Variants in ZNF607 observed in about 807,000 individuals in gnomAD.
The protein encoded by ZNF607 is zinc finger protein 607.
ZNF607 carries 5 observed loss-of-function variants against 12.8 expected under a neutral mutation model. The observed-to-expected ratio is 0.39, with a 90% confidence interval of 0.20 to 0.82. The LOEUF (loss-of-function observed/expected upper bound fraction) is 0.82, where lower values mean the gene tolerates loss of function less well. ZNF607 is among the 40% of genes least tolerant of loss of function. ZNF607 has a pLI of 0.39. For missense variants in ZNF607, 851 were observed against 859.2 expected, an observed-to-expected ratio of 0.99 and a Z score of 0.12; for synonymous variants, 287 against 276.2, an observed-to-expected ratio of 1.04 and a Z score of -0.39.
Position 37,698,467 on chromosome 19 carries a change from T to A in ZNF607, c.1664A>T (p.His555Leu). 6.2e-7 allele frequency: 1 copy of A among 1,614,128 alleles called. No individual in the cohort carries two copies. Among genetic ancestry groups the A allele is most frequent in the Non-Finnish European group, 8.5e-7 (1 of 1,180,008 alleles). The change falls in exon 5 of 5, where the codon CAT becomes CTT. Residue 555 changes from histidine (H) to leucine (L), a missense_variant. Coordinates refer to ENST00000355202, the MANE Select transcript of ZNF607 (RefSeq NM_032689.5). ...ISVLKAHQNI[H>L]SAEKPYECKE... ...ACATTCGTAGGGTTTCTCAGCGCTA[T>A]GAATATTCTGATGGGCTTTAAGTAC...
intron 2 of ZNF607, among the ~76,000 whole-genome samples, chr19:37,710,502 A>AGTGGC (rs2145242811): frequency 6.6e-6 from 1 of 151,856 alleles, no homozygotes; most frequent in Admixed American, 6.6e-5. Flanking sequence ...ACGAAAATGG[A>AGTGGC]GTGGAGGAGA....
At chr19:37,717,714 G>A (rs2045189049) in intron 1 of ZNF607, among the ~76,000 whole-genome samples, 1 of 149,688 alleles carries the variant, frequency 6.7e-6, no homozygotes, top group Non-Finnish European at 1.5e-5. Context: ...GCTGAGGCAG[G>A]AGAATCGCTT....
Position 37,698,668 on chromosome 19 carries a change from T to TA in ZNF607, c.1462dup (p.Tyr488LeufsTer2). The TA allele has an allele frequency of 6.2e-7, 1 of 1,613,370 alleles. No individual in the cohort carries two copies. The highest frequency in any genetic ancestry group is 8.5e-7 in the Non-Finnish European group (1 of 1,179,776). On this transcript the variant is annotated frameshift_variant, in exon 5 of 5. Coordinates refer to ENST00000355202, the MANE Select transcript of ZNF607 (RefSeq NM_032689.5). LOFTEE classifies it low-confidence loss of function (END_TRUNC). Reference sequence around the variant, plus strand: ...GCGATGTATAGTGAGTTTATGGCTATAACTAAAACCCTTCCCACACTCTTG... The same window carrying TA: ...GCGATGTATAGTGAGTTTATGGCTATAAACTAAAACCCTTCCCACACTCTTG...
intron 1 of ZNF607, among the ~76,000 whole-genome samples, chr19:37,714,029 G>A (rs889052564): frequency 3.3e-5 from 5 of 151,854 alleles, no homozygotes; most frequent in Admixed American, 1.3e-4. Flanking sequence ...GTTTAAAAAC[G>A]TATGCACCCA....
rs369209372 is a variant in ZNF607, at chr19:37,698,150, T to A, written c.1981A>T (p.Ser661Cys). The change falls in exon 5 of 5, where the codon AGT (serine) becomes TGT (cysteine). Residue 661 changes from serine (S) to cysteine (C), a missense_variant. Coordinates refer to ENST00000355202, the MANE Select transcript of ZNF607 (RefSeq NM_032689.5). ...CCAGTATGAACTCTATGATGTATAC[T>A]AAGTTCATGGCTACTATTAAAAGCT... ...GKAFNSSHEL[S>C]IHHRVHTGEK... 6.2e-7 allele frequency: 1 copy of A among 1,614,170 alleles called. No individual in the cohort carries two copies. Among genetic ancestry groups the A allele is most frequent in the South Asian group, 1.1e-5 (1 of 91,084 alleles).
Position 37,698,386 on chromosome 19 carries a change from G to A in ZNF607, c.1745C>T (p.Thr582Ile), listed in dbSNP as rs760964001. 27 of 1,613,912 alleles carry A rather than the reference G, an allele frequency of 1.7e-5. No individual in the cohort carries two copies. In the Admixed American group the frequency reaches 2.7e-4, roughly 16 times the overall value. The change falls in exon 5 of 5, where the codon ACT becomes ATT. Residue 582 changes from threonine to isoleucine, a missense_variant. By Grantham distance (89) the Thr-to-Ile change is moderately conservative (BLOSUM62 -1). Transcript: ENST00000355202. ...TTCATAGGACTTTTCACCAGCATGAGTTCGGTCATGATATATGAGGCTTGT... is the reference window on the plus strand; with the variant it reads ...TTCATAGGACTTTTCACCAGCATGAATTCGGTCATGATATATGAGGCTTGT... Reference protein sequence around the residue: ...HATSLIYHDRTHAGEKSYECK... With the variant: ...HATSLIYHDRIHAGEKSYECK...
chr19:37,697,069 C>G lies in ZNF607; in HGVS notation c.*971G>C. On this transcript the variant is annotated 3_prime_UTR_variant, in exon 5 of 5. Transcript: ENST00000355202. The stretch of plus-strand genomic sequence containing the variant: ...GGCAGCACACACTCATCGTAGTCCT[C>G]TCCAATGCTGGTGAAGATGCGAGGA... The G allele has an allele frequency of 1.3e-6, 1 of 742,188 alleles. No individual in the cohort carries two copies. The allele number at this position is 742,188 out of a possible 1,614,324, so 46.0% of individuals were successfully genotyped here.
chr19:37,696,695 C>T lies in ZNF607; in HGVS notation c.*1345G>A. The T allele has an allele frequency of 1.3e-6, 1 of 752,274 alleles. No homozygotes were observed. The highest frequency in any genetic ancestry group is 2.4e-6 in the Non-Finnish European group (1 of 422,462). 46.6% of individuals were successfully genotyped at this position (752,274 alleles called of 1,614,324 possible). ...TTCCGAGAGCATGAGAGCTGGTATG[C>T]AATGTCTTCTGCAGCTTCCAGCTTG... On this transcript the variant is annotated 3_prime_UTR_variant, in exon 5 of 5. Coordinates refer to ENST00000355202, the MANE Select transcript of ZNF607 (RefSeq NM_032689.5).
rs2044975645 is a variant in ZNF607, at chr19:37,696,552, GGTGGTGTTACGAATCATC to G, written c.*1470_*1487del. On this transcript the variant is annotated 3_prime_UTR_variant, in exon 5 of 5. Transcript: ENST00000355202. ...AGTGATTTCTGGGGTGAGGGCGAAA[GGTGGTGTTACGAATCATC>G]GGGGCTGTGGCCCAGTTGCCTCACG... is the stretch of plus-strand genomic sequence containing the variant. 14 of 479,130 alleles carry G rather than the reference GGTGGTGTTACGAATCATC, an allele frequency of 2.9e-5. No homozygotes were observed. The highest frequency in any genetic ancestry group is 2.7e-4 in the South Asian group (12 of 43,732). The allele number at this position is 479,130 out of a possible 1,614,324, so 29.7% of individuals were successfully genotyped here.
rs2045162648 is a variant in ZNF607, at chr19:37,714,827, C to T, written c.-74-3135G>A. 2.0e-5 allele frequency among the ~76,000 whole-genome samples: 3 copies of T among 152,118 alleles called. No individual in the cohort carries two copies. In the South Asian group the frequency reaches 6.2e-4, roughly 32 times the overall value. On this transcript the variant is annotated intron_variant, in intron 1 of 4. Transcript: ENST00000355202. Reference sequence around the variant, plus strand: ...ATGATAGCTACTGTAATAACATTATCATCAAATGTTAAAAAATACCACATG... The same window carrying T: ...ATGATAGCTACTGTAATAACATTATTATCAAATGTTAAAAAATACCACATG...
chr19:37,713,232 C>T (rs1390168428), intron 1 of ZNF607, among the ~76,000 whole-genome samples: 2 of 152,094 alleles, frequency 1.3e-5, no homozygotes, highest in Admixed American at 6.6e-5. Flanking sequence ...GTCTCTGTTA[C>T]GTGACATCAC....
intron 4 of ZNF607, among the ~76,000 whole-genome samples, chr19:37,700,978 T>C (rs2045034238): frequency 6.6e-6 from 1 of 152,176 alleles, no homozygotes; most frequent in Admixed American, 6.5e-5. Flanking sequence ...TGTAGGAATA[T>C]TCTTCAAAGA....
chr19:37,708,094 G>T, intron 3 of ZNF607, 82 bp from the exon 4 acceptor site: 2 of 1,081,160 alleles, frequency 1.8e-6, no homozygotes, highest in East Asian at 2.4e-5. Flanking sequence ...ATAAATGAAA[G>T]GTCAAAGTGA....
In ZNF607 at chr19:37,697,233, A is replaced by G. The variant is rs899391339; in HGVS notation, c.*807T>C. 9.3e-6 allele frequency: 7 copies of G among 749,972 alleles called. No individual in the cohort carries two copies. Among genetic ancestry groups the G allele is most frequent in the Admixed American group, 3.6e-5 (2 of 56,300 alleles). 46.5% of individuals were successfully genotyped at this position (749,972 alleles called of 1,614,324 possible). A position where few individuals can be genotyped will look rare whatever the true frequency, so the allele number is the denominator to read the frequency against. The stretch of plus-strand genomic sequence containing the variant: ...AATTGGTTTTTGTACACATGGGATG[A>G]GAAAGTGAGTCCCTTCCCCTACCAC... On this transcript the variant is annotated 3_prime_UTR_variant, in exon 5 of 5. Coordinates refer to ENST00000355202, the MANE Select transcript of ZNF607 (RefSeq NM_032689.5).
chr19:37,698,357 T>C lies in ZNF607; in HGVS notation c.1774A>G (p.Lys592Glu). 2 of 1,614,158 alleles carry C rather than the reference T, an allele frequency of 1.2e-6. No individual in the cohort carries two copies. Among genetic ancestry groups the C allele is most frequent in the Non-Finnish European group, 1.7e-6 (2 of 1,180,014 alleles). ...TGACTAAAAGTTTCCCCACATTCTT[T>C]ACATTCATAGGACTTTTCACCAGCA... ...THAGEKSYECKECGETFSHAS... is the reference protein window; with the variant it reads ...THAGEKSYECEECGETFSHAS... The change falls in exon 5 of 5, where the codon AAA becomes GAA. Residue 592 changes from lysine to glutamate, a missense_variant. Lys to Glu is a moderately conservative substitution (Grantham distance 56, BLOSUM62 1). Transcript: ENST00000355202.
chr19:37,710,477 A>AG (rs1555735218), intron 2 of ZNF607, among the ~76,000 whole-genome samples: 2 of 142,396 alleles, frequency 1.4e-5, no homozygotes, highest in Non-Finnish European at 1.5e-5. Flanking sequence ...AAAAAAAAAA[A>AG]AAAAGAAAAG....
intron 2 of ZNF607, 81 bp from the exon 3 acceptor site, chr19:37,709,903 T>A: frequency 6.5e-7 from 1 of 1,528,966 alleles, no homozygotes. Flanking sequence ...ACGCCTGTAA[T>A]CCCAGCACTT....
At chr19:37,709,197 T>C (rs1047520880) in intron 3 of ZNF607, among the ~76,000 whole-genome samples, 6 of 152,216 alleles carry the variant, frequency 3.9e-5, no homozygotes, top group Non-Finnish European at 5.9e-5. Flanking sequence ...AATGGACTAC[T>C]TTCTTCTCAA....
chr19:37,699,281 T>C lies in ZNF607; in HGVS notation c.850A>G (p.Lys284Glu), dbSNP rs769215887. The C allele has an allele frequency of 1.1e-5, 18 of 1,613,962 alleles. No homozygotes were observed. In the South Asian group the frequency reaches 1.5e-4, roughly 14 times the overall value. ...TGACGAAAGGCCTTTCCACATTCCT[T>C]ACATTCATGTGGCTTCTCTCCAGTA... ...IHTGEKPHECKECGKAFRQFS... is the reference protein window; with the variant it reads ...IHTGEKPHECEECGKAFRQFS... The change falls in exon 5 of 5, where the codon AAG (lysine) becomes GAG (glutamate). Residue 284 changes from lysine to glutamate, a missense_variant. Coordinates refer to ENST00000355202, the MANE Select transcript of ZNF607 (RefSeq NM_032689.5).
Sources: allele counts gnomAD v4.1 joint callset (sites outside exome capture counted in the v4.1 genomes callset), GRCh38; gene constraint gnomAD v4.1.1; transcripts MANE v1.5; gene names NCBI Gene and HGNC (gene_info 2026-07-23, HGNC 2026-07-21).